Variants in GYPC observed in about 807,000 individuals in gnomAD.
The protein encoded by GYPC is glycophorin C (Gerbich blood group).
Under a neutral mutation model 12.6 loss-of-function variants are expected in GYPC, and 14 were observed. The ratio of observed to expected loss-of-function variants is 1.11; its 90% CI spans 0.74 to 1.74. GYPC has a LOEUF of 1.74. GYPC is among the 40% of genes most tolerant of loss of function. The pLI, the probability that GYPC is intolerant of heterozygous loss-of-function variation, is 0.00. For missense variants in GYPC, 225 were observed against 172.1 expected (o/e 1.31, Z -1.72); for synonymous variants, 78 against 62.1 (o/e 1.26, Z -1.20).
intron 1 of GYPC, among the ~76,000 whole-genome samples, chr2:126,688,559 T>A (rs959456228): frequency 6.6e-6 from 1 of 152,204 alleles, no homozygotes; most frequent in Non-Finnish European, 1.5e-5. Context: ...GCACTGTGAA[T>A]GCTGGATCCT....
Position 126,696,481 on chromosome 2 carries a change from G to T in GYPC, c.*339G>T, listed in dbSNP as rs1213397493. On this transcript the variant is annotated 3_prime_UTR_variant, in exon 4 of 4. Transcript: ENST00000259254. The stretch of plus-strand genomic sequence containing the variant: ...AGGAAAGTCCTTGTTGAGGGTGAGG[G>T]GGTGCTGGGGTACCCGGGGGCTGGG... 2.7e-6 allele frequency: 1 copy of T among 372,054 alleles called. No individual in the cohort carries two copies. The highest frequency in any genetic ancestry group is 5.2e-6 in the Non-Finnish European group (1 of 193,538). The allele number at this position is 372,054 out of a possible 1,614,324, so 23.0% of individuals were successfully genotyped here. A position where few individuals can be genotyped will look rare whatever the true frequency, so the allele number is the denominator to read the frequency against.
chr2:126,666,832 G>A (rs927702628), intron 1 of GYPC, among the ~76,000 whole-genome samples: 4 of 151,828 alleles, frequency 2.6e-5, no homozygotes, highest in African/African-American at 9.7e-5. Flanking sequence ...GCAGCAGACA[G>A]GTATCAGCCC....
intron 2 of GYPC, 133 bp from the exon 3 acceptor site, chr2:126,693,731 G>T: frequency 1.3e-6 from 1 of 748,806 alleles, no homozygotes. Flanking sequence ...TGGGTGCGCC[G>T]CACTGCTCCT....
intron 1 of GYPC, among the ~76,000 whole-genome samples, chr2:126,671,363 C>T (rs1257663339): frequency 6.6e-6 from 1 of 152,220 alleles, no homozygotes; most frequent in African/African-American, 2.4e-5. Context: ...CTTCCCTGAG[C>T]CCGACAGCCA....
intron 1 of GYPC, among the ~76,000 whole-genome samples, chr2:126,664,316 C>G (rs558110042): frequency 6.6e-6 from 1 of 152,060 alleles, no homozygotes; most frequent in Non-Finnish European, 1.5e-5. Context: ...ACTCCACAGA[C>G]GCCATCTCAT....
At chr2:126,658,923 T>A (rs1041391116) in intron 1 of GYPC, among the ~76,000 whole-genome samples, 23 of 152,258 alleles carry the variant, frequency 1.5e-4, no homozygotes, top group African/African-American at 5.5e-4. Flanking sequence ...TGACAATGAG[T>A]AAGGAGGATT....
chr2:126,687,654 G>A lies in GYPC; in HGVS notation c.50-2601G>A, dbSNP rs78679216. ...CATGGAGAGAGTAGTTCCAGCTGAG[G>A]GAACTTTCCTGCCCACCACGCTCCT... is the stretch of plus-strand genomic sequence containing the variant. On this transcript the variant is annotated intron_variant, in intron 1 of 3. Transcript: ENST00000259254. Among the ~76,000 whole-genome samples the A allele has an allele frequency of 7.3e-3, 1,117 of 152,306 alleles. 22 individuals are homozygous for A. Among genetic ancestry groups the A allele is most frequent in the African/African-American group, 0.026 (1,075 of 41,556 alleles).
At chr2:126,688,269 C>T (rs1003807851) in intron 1 of GYPC, among the ~76,000 whole-genome samples, 8 of 152,198 alleles carry the variant, frequency 5.3e-5, no homozygotes, top group African/African-American at 1.4e-4. Flanking sequence ...AAGGGCAGTT[C>T]TGGGTATTTG....
At chr2:126,678,048 C>T (rs1206571005) in intron 1 of GYPC, among the ~76,000 whole-genome samples, 2 of 152,116 alleles carry the variant, frequency 1.3e-5, no homozygotes, top group Non-Finnish European at 2.9e-5. Flanking sequence ...GGTGAAACCC[C>T]TTCTCTACTA....
chr2:126,689,647 T>C (rs2104804530), intron 1 of GYPC, among the ~76,000 whole-genome samples: 1 of 151,896 alleles, frequency 6.6e-6, no homozygotes, highest in East Asian at 1.9e-4. Flanking sequence ...AAATTCAGCT[T>C]TCTAAACTCT....
intron 1 of GYPC, among the ~76,000 whole-genome samples, chr2:126,672,151 G>A (rs1035804459): frequency 4.6e-5 from 7 of 152,216 alleles, no homozygotes; most frequent in Non-Finnish European, 7.4e-5. Context: ...ACCACCTCCC[G>A]GCACCTGTTA....
Position 126,693,919 on chromosome 2 carries a change from C to G in GYPC, c.162C>G (p.Pro54=), listed in dbSNP as rs1558894164. 1 of 1,611,938 alleles carries G rather than the reference C, an allele frequency of 6.2e-7. No homozygotes were observed. Among genetic ancestry groups the G allele is most frequent in the Non-Finnish European group, 8.5e-7 (1 of 1,178,060 alleles). Residue 54 remains proline, a synonymous_variant, in exon 3 of 4, where the codon CCC becomes CCG. Coordinates refer to ENST00000259254, the MANE Select transcript of GYPC (RefSeq NM_002101.5). ...ATGGCAGAATGGAGACCTCCACCCC[C>G]ACCATAATGGACATTGTCGTCATTG... is the stretch of plus-strand genomic sequence containing the variant. ...WPDGRMETST[P]TIMDIVVIAG...
At chr2:126,690,743 C>A (rs776555309) in intron 2 of GYPC, among the ~76,000 whole-genome samples, 3 of 152,046 alleles carry the variant, frequency 2.0e-5, no homozygotes, top group African/African-American at 7.2e-5. Context: ...GTCCATGACC[C>A]CCAACCCTCC....
At chr2:126,681,793 A>AG (rs1431610401) in intron 1 of GYPC, among the ~76,000 whole-genome samples, 2 of 109,452 alleles carry the variant, frequency 1.8e-5, no homozygotes, top group African/African-American at 5.6e-5. Flanking sequence ...AAAAAAAAAA[A>AG]AGAAAGAAAG....
chr2:126,686,461 T>C, intron 1 of GYPC: 2 of 985,516 alleles, frequency 2.0e-6, no homozygotes, highest in Non-Finnish European at 2.4e-6. Context: ...GCAAATCCCA[T>C]GGATGAAAAG....
chr2:126,659,070 A>G (rs917040603), intron 1 of GYPC, among the ~76,000 whole-genome samples: 8 of 152,198 alleles, frequency 5.3e-5, no homozygotes, highest in African/African-American at 4.8e-5. Flanking sequence ...CCGGTTTCTC[A>G]TGCTCACAAA....
intron 1 of GYPC, among the ~76,000 whole-genome samples, chr2:126,676,748 A>T (rs12999519): frequency 0.11 from 16,976 of 152,182 alleles, 1,123 homozygotes; most frequent in African/African-American, 0.17. Flanking sequence ...CACTGGGAAG[A>T]TGTGGCAGAG....
chr2:126,672,589 A>T (rs983924193), intron 1 of GYPC, among the ~76,000 whole-genome samples: 3 of 152,182 alleles, frequency 2.0e-5, no homozygotes, highest in African/African-American at 4.8e-5. Flanking sequence ...CTTAGGGAGC[A>T]GGGAGAATGT....
At chr2:126,685,686 T>A (rs928634789) in intron 1 of GYPC, 2 of 712,176 alleles carry the variant, frequency 2.8e-6, no homozygotes, top group East Asian at 1.3e-4. Context: ...CCCGGCCTGG[T>A]AAATTGACTT....
Sources: gnomAD v4.1 joint callset for allele counts (sites outside exome capture counted in the v4.1 genomes callset) on GRCh38, gnomAD v4.1.1 for gene constraint, MANE v1.5 for transcripts, NCBI Gene and HGNC (gene_info 2026-07-23, HGNC 2026-07-21) for gene names.